Variants in EPHX1 observed in about 807,000 individuals in gnomAD.
EPHX1 encodes the protein epoxide hydratase.
A neutral mutation model predicts 43.2 loss-of-function variants in EPHX1; 40 were observed. The ratio of observed to expected loss-of-function variants is 0.93; its 90% CI spans 0.72 to 1.21. The LOEUF (loss-of-function observed/expected upper bound fraction) is 1.21, where lower values mean the gene tolerates loss of function less well. Among genes scored for constraint, EPHX1 ranks in the 50% most tolerant of loss-of-function variants. The probability of loss-of-function intolerance (pLI) is 0.00; values close to 1 mark genes in which losing one functional copy is unlikely to be tolerated. For missense variants in EPHX1, 550 were observed against 570.4 expected (o/e 0.96, Z 0.36); for synonymous variants, 221 against 226.7 (o/e 0.98, Z 0.22).
At position 225,840,052 on chromosome 1, in the gene EPHX1, G is replaced by GGGT. The variant is rs765646661; in HGVS notation, c.931+16_931+18dup. ...TGACACCGTAGGTGAGTGTGCTCAGGGGTCCTCGCCCACTGCCGGCTCCAC... is the reference window on the plus strand; with the variant it reads ...TGACACCGTAGGTGAGTGTGCTCAGGGGTGGTCCTCGCCCACTGCCGGCTCCAC... On this transcript the variant is annotated intron_variant, in intron 6 of 8. Coordinates refer to ENST00000272167, the MANE Select transcript of EPHX1 (RefSeq NM_001136018.4). 6 of 1,613,296 alleles carry GGGT rather than the reference G, an allele frequency of 3.7e-6. No homozygotes were observed. In the South Asian group the frequency reaches 6.6e-5, roughly 18 times the overall value.
intron 1 of EPHX1, among the ~76,000 whole-genome samples, chr1:225,813,005 T>G (rs1190314799): frequency 6.6e-6 from 1 of 152,198 alleles, no homozygotes; most frequent in Admixed American, 6.5e-5. Context: ...AGCTCTGCCA[T>G]TAATGTGTCC....
intron 7 of EPHX1, among the ~76,000 whole-genome samples, chr1:225,843,356 G>A (rs1311043444): frequency 6.6e-6 from 1 of 152,190 alleles, no homozygotes; most frequent in Non-Finnish European, 1.5e-5. Flanking sequence ...AGGGTGCTTG[G>A]AAAGGGTGGC....
At chr1:225,814,546 C>A (rs546937384) in intron 1 of EPHX1, among the ~76,000 whole-genome samples, 1 of 152,226 alleles carries the variant, frequency 6.6e-6, no homozygotes, top group Admixed American at 6.5e-5. Flanking sequence ...GTCTCTGCCA[C>A]GGGCCCGCCT....
intron 3 of EPHX1, among the ~76,000 whole-genome samples, chr1:225,837,679 G>C (rs1272034714): frequency 1.3e-5 from 2 of 151,960 alleles, no homozygotes; most frequent in Non-Finnish European, 2.9e-5. Flanking sequence ...CAGCATGCCC[G>C]GGTAATTTTT....
At chr1:225,843,103 A>G (rs1668566789) in intron 7 of EPHX1, among the ~76,000 whole-genome samples, 1 of 152,230 alleles carries the variant, frequency 6.6e-6, no homozygotes, top group Non-Finnish European at 1.5e-5. Context: ...TGTCTTGGCC[A>G]TGCTGTAGCC....
At chr1:225,834,437 A>G (rs976477093) in intron 3 of EPHX1, among the ~76,000 whole-genome samples, 1 of 152,032 alleles carries the variant, frequency 6.6e-6, no homozygotes, top group African/African-American at 2.4e-5. Context: ...ATGGACGGAA[A>G]CCTCGACTTG....
At chr1:225,835,139 G>C (rs1667879575) in intron 3 of EPHX1, among the ~76,000 whole-genome samples, 2 of 152,188 alleles carry the variant, frequency 1.3e-5, no homozygotes, top group South Asian at 4.1e-4. Flanking sequence ...CAAAGGCCCA[G>C]AGGCAGGAGG....
chr1:225,844,510 G>A lies in EPHX1; in HGVS notation c.1053G>A (p.Leu351=), dbSNP rs1363064505. The A allele has an allele frequency of 6.2e-7, 1 of 1,614,170 alleles. No individual in the cohort carries two copies. Among genetic ancestry groups the A allele is most frequent in the South Asian group, 1.1e-5 (1 of 91,078 alleles). ...TCTGCGTTCCCAGGAAGTTCTCCCTGGACGACCTGCTGACCAACGTCATGC... is the reference window on the plus strand; with the variant it reads ...TCTGCGTTCCCAGGAAGTTCTCCCTAGACGACCTGCTGACCAACGTCATGC... ...EDGGLERKFS[L]DDLLTNVMLY... The change falls in exon 8 of 9, where the codon CTG becomes CTA. Residue 351 remains leucine (L), a synonymous_variant. Transcript: ENST00000272167.
chr1:225,839,398 T>TGTGC, intron 5 of EPHX1, 52 bp downstream of exon 5: 4 of 1,599,114 alleles, frequency 2.5e-6, no homozygotes, highest in Non-Finnish European at 3.4e-6. Flanking sequence ...TGTGTGTGTG[T>TGTGC]GTGTCCTCTA....
In EPHX1 at chr1:225,839,019, G is replaced by A. The variant is rs555453560; in HGVS notation, c.592+138G>A. On this transcript the variant is annotated intron_variant, in intron 4 of 8. Coordinates refer to ENST00000272167, the MANE Select transcript of EPHX1 (RefSeq NM_001136018.4). ...TGGGAAAGGAGGGGCCTGAGAGGCCGGCCCCAGACACACCGCCCTCCGGGG... is the reference window on the plus strand; with the variant it reads ...TGGGAAAGGAGGGGCCTGAGAGGCCAGCCCCAGACACACCGCCCTCCGGGG... The A allele has an allele frequency of 1.5e-4, 202 of 1,312,102 alleles. 1 individual carries two copies. In the South Asian group the frequency reaches 1.9e-3, roughly 13 times the overall value. The allele number at this position is 1,312,102 out of a possible 1,614,324, so 81.3% of individuals were successfully genotyped here.
chr1:225,830,804 A>G (rs1479149953), intron 2 of EPHX1, among the ~76,000 whole-genome samples: 2 of 152,124 alleles, frequency 1.3e-5, no homozygotes, highest in Non-Finnish European at 2.9e-5. Context: ...ATAATGTATC[A>G]TTCAATGTTG....
intron 6 of EPHX1, among the ~76,000 whole-genome samples, chr1:225,842,127 T>C (rs867425598): frequency 2.6e-5 from 4 of 152,244 alleles, no homozygotes; most frequent in Non-Finnish European, 5.9e-5. Context: ...GAGCAGGCAG[T>C]GTGCCAGGCC....
chr1:225,831,902 T>C lies in EPHX1; in HGVS notation c.307T>C (p.Trp103Arg), dbSNP rs1667625979. Residue 103 changes from tryptophan (W) to arginine (R), a missense_variant, in exon 3 of 9, where the codon TGG (tryptophan) becomes CGG (arginine). Trp to Arg is a moderately radical substitution (Grantham distance 101). Coordinates refer to ENST00000272167, the MANE Select transcript of EPHX1 (RefSeq NM_001136018.4). ...CTCCTACTGGCGGAATGAATTTGAC[T>C]GGAAGAAGCAGGTGGAGATTCTCAA... ...VISYWRNEFD[W>R]KKQVEILNRY... 1 of 1,614,196 alleles carries C rather than the reference T, an allele frequency of 6.2e-7. No individual in the cohort carries two copies. The highest frequency in any genetic ancestry group is 8.5e-7 in the Non-Finnish European group (1 of 1,180,040).
intron 3 of EPHX1, among the ~76,000 whole-genome samples, chr1:225,837,752 TTA>T (rs751259900): frequency 1.3e-5 from 2 of 152,262 alleles, no homozygotes; most frequent in East Asian, 1.9e-4. Context: ...GCTCCTGACC[TTA>T]GGTGATCCAC....
Position 225,812,103 on chromosome 1 carries a change from G to A in EPHX1, c.-6+1934G>A, listed in dbSNP as rs552303437. On this transcript the variant is annotated intron_variant, in intron 1 of 8. Coordinates refer to ENST00000272167, the MANE Select transcript of EPHX1 (RefSeq NM_001136018.4). ...GTGCAGGTGCAAAGGCTGGGGGCAG[G>A]AGTGTGCCCAGCTTGAATGGCCTGA... Among the ~76,000 whole-genome samples, 13 of 152,246 alleles carry A rather than the reference G, an allele frequency of 8.5e-5. No individual in the cohort carries two copies. The South Asian group carries it at 1.5e-3, about 17-fold the overall frequency.
intron 2 of EPHX1, among the ~76,000 whole-genome samples, chr1:225,830,809 A>G (rs961526256): frequency 1.3e-5 from 2 of 152,140 alleles, no homozygotes; most frequent in African/African-American, 4.8e-5. Flanking sequence ...GTATCATTCA[A>G]TGTTGTATAT....
At chr1:225,844,701 G>A in intron 8 of EPHX1, 78 bp downstream of exon 8, 4 of 1,590,520 alleles carry the variant, frequency 2.5e-6, no homozygotes, top group Non-Finnish European at 3.4e-6. Flanking sequence ...TCCACGAAGG[G>A]CACTTGGTGG....
At chr1:225,815,667 A>G (rs964707580) in intron 1 of EPHX1, among the ~76,000 whole-genome samples, 3 of 152,108 alleles carry the variant, frequency 2.0e-5, no homozygotes, top group Non-Finnish European at 4.4e-5. Flanking sequence ...CATTGCCACA[A>G]ACAAACTAAC....
chr1:225,813,082 C>G (rs1413563057), intron 1 of EPHX1, among the ~76,000 whole-genome samples: 1 of 152,156 alleles, frequency 6.6e-6, no homozygotes, highest in African/African-American at 2.4e-5. Flanking sequence ...TGCAGCTCTG[C>G]TATGTGATGA....
Sources: gnomAD v4.1 joint callset for allele counts (sites outside exome capture counted in the v4.1 genomes callset) on GRCh38, gnomAD v4.1.1 for gene constraint, MANE v1.5 for transcripts, NCBI Gene and HGNC (gene_info 2026-07-23, HGNC 2026-07-21) for gene names.